The following TAFA2 variants were observed in gnomAD, a reference collection of about 807,000 sequenced individuals.
TAFA2 encodes chemokine-like protein TAFA-2.
In TAFA2, 7 loss-of-function variants were observed where a neutral mutation model predicts 18.8. The observed-to-expected ratio is 0.37, with a 90% CI of 0.21 to 0.70. TAFA2 has a LOEUF of 0.70. Among genes scored for constraint, TAFA2 ranks in the 30% least tolerant of loss-of-function variants. The pLI is 0.53. For missense variants in TAFA2, 122 were observed against 158.1 expected (o/e 0.77, Z 1.23); for synonymous variants, 60 against 54.2 (o/e 1.11, Z -0.47).
intron 2 of TAFA2, among the ~76,000 whole-genome samples, chr12:61,859,376 T>G (rs12813599): frequency 0.29 from 43,748 of 152,024 alleles, 6,877 homozygotes; most frequent in South Asian, 0.4. Flanking sequence ...CCCACCCAAT[T>G]CAAGGTAATG....
intron 4 of TAFA2, among the ~76,000 whole-genome samples, chr12:61,746,094 C>T (rs959856701): frequency 1.3e-5 from 2 of 152,052 alleles, no homozygotes; most frequent in Non-Finnish European, 2.9e-5. Flanking sequence ...ATTGTAATCC[C>T]TATAATCCCC....
At chr12:61,994,637 G>T (rs1880122261) in intron 1 of TAFA2, among the ~76,000 whole-genome samples, 1 of 151,864 alleles carries the variant, frequency 6.6e-6, no homozygotes, top group Non-Finnish European at 1.5e-5. Flanking sequence ...AAATTGTTCT[G>T]GTCAAAGTCA....
rs75110268 is a variant in TAFA2 at position 61,769,996 on chromosome 12, C to G, written c.107-14972G>C. On this transcript the variant is annotated intron_variant, in intron 2 of 4. Coordinates refer to ENST00000416284, the MANE Select transcript of TAFA2 (RefSeq NM_178539.5). Reference sequence around the variant, plus strand: ...ACTTTAAAAAATCAAAAAAATGATACAGGATATGAACGAGAAAATCTCTAA... The same window carrying G: ...ACTTTAAAAAATCAAAAAAATGATAGAGGATATGAACGAGAAAATCTCTAA... Among the ~76,000 whole-genome samples, 622 of 151,994 alleles carry G rather than the reference C, an allele frequency of 4.1e-3. 4 individuals are homozygous for G. The highest frequency in any genetic ancestry group is 0.015 in the African/African-American group (608 of 41,492).
At chr12:61,954,399 A>G (rs1011271796) in intron 1 of TAFA2, among the ~76,000 whole-genome samples, 2 of 152,210 alleles carry the variant, frequency 1.3e-5, no homozygotes, top group Non-Finnish European at 2.9e-5. Context: ...GTAGAACGCT[A>G]TTATGTAGCA....
chr12:61,928,141 G>A (rs950161996), intron 1 of TAFA2, among the ~76,000 whole-genome samples: 5 of 152,050 alleles, frequency 3.3e-5, no homozygotes, highest in Non-Finnish European at 5.9e-5. Context: ...CAATGGCAAC[G>A]AAGCCAAAAT....
At chr12:62,116,604 T>G (rs1396644922) in intron 1 of TAFA2, among the ~76,000 whole-genome samples, 1 of 152,134 alleles carries the variant, frequency 6.6e-6, no homozygotes, top group African/African-American at 2.4e-5. Context: ...AAATGTAAAA[T>G]TTTTCCTCTA....
intron 1 of TAFA2, among the ~76,000 whole-genome samples, chr12:62,202,159 T>A (rs977128867): frequency 2.0e-5 from 3 of 152,114 alleles, no homozygotes; most frequent in Non-Finnish European, 4.4e-5. Flanking sequence ...GCTAACAGTC[T>A]ATTTTATTAA....
intron 2 of TAFA2, among the ~76,000 whole-genome samples, chr12:61,811,103 C>T (rs966857167): frequency 4.0e-5 from 6 of 150,886 alleles, no homozygotes; most frequent in East Asian, 1.9e-4. Context: ...TAAAAATAAG[C>T]GTTCCTTAAA....
At chr12:61,770,599 C>T (rs1869983804) in intron 2 of TAFA2, among the ~76,000 whole-genome samples, 1 of 151,990 alleles carries the variant, frequency 6.6e-6, no homozygotes, top group South Asian at 2.1e-4. Flanking sequence ...CCTTAAACAA[C>T]AAAACTAATC....
rs535129203 is a variant in TAFA2, at chr12:62,180,929, T to C, written c.-2+10330A>G. ...ACAAGAGCAATCAAAATATATTCCATATGTGATTAACAACACTTAAATTTG... is the reference window on the plus strand; with the variant it reads ...ACAAGAGCAATCAAAATATATTCCACATGTGATTAACAACACTTAAATTTG... On this transcript the variant is annotated intron_variant, in intron 1 of 4. Coordinates refer to ENST00000416284, the MANE Select transcript of TAFA2 (RefSeq NM_178539.5). Among the ~76,000 whole-genome samples the C allele has an allele frequency of 4.6e-5, 7 of 152,358 alleles. 1 individual carries two copies. The South Asian group carries it at 1.4e-3, about 32-fold the overall frequency.
At chr12:62,014,816 C>T (rs989127057) in intron 1 of TAFA2, among the ~76,000 whole-genome samples, 3 of 152,018 alleles carry the variant, frequency 2.0e-5, no homozygotes, top group Non-Finnish European at 4.4e-5. Context: ...TTATGACCAA[C>T]CAGATTTGGA....
At chr12:61,995,668 A>G (rs1880161238) in intron 1 of TAFA2, among the ~76,000 whole-genome samples, 1 of 152,168 alleles carries the variant, frequency 6.6e-6, no homozygotes, top group Non-Finnish European at 1.5e-5. Context: ...TTGATTACAT[A>G]GTATGTGATT....
At chr12:62,104,680 A>G in intron 1 of TAFA2, 1 of 455,774 alleles carries the variant, frequency 2.2e-6, no homozygotes, top group Non-Finnish European at 4.4e-6. Context: ...ATAAGCAATA[A>G]CTAGTCCTCA....
intron 4 of TAFA2, among the ~76,000 whole-genome samples, chr12:61,723,171 G>A (rs536090208): frequency 4.8e-4 from 73 of 152,162 alleles, no homozygotes; most frequent in African/African-American, 1.7e-3. Flanking sequence ...TGATTTATCC[G>A]ATCAGCACTT....
intron 1 of TAFA2, among the ~76,000 whole-genome samples, chr12:62,029,660 T>C (rs1278903311): frequency 1.4e-5 from 2 of 147,534 alleles, no homozygotes; most frequent in Non-Finnish European, 1.5e-5. Flanking sequence ...CAAAGGAAAG[T>C]GCAATCACCC....
intron 1 of TAFA2, among the ~76,000 whole-genome samples, chr12:62,207,726 T>C (rs908550359): frequency 1.3e-5 from 2 of 152,070 alleles, no homozygotes; most frequent in African/African-American, 4.8e-5. Context: ...CAATCAAAGA[T>C]CAAAGAAAAA....
chr12:62,194,356 ATCTT>A (rs1206622637), upstream of TAFA2, among the ~76,000 whole-genome samples: 5 of 152,050 alleles, frequency 3.3e-5, no homozygotes, highest in South Asian at 2.1e-4. Flanking sequence ...ATACATTATA[ATCTT>A]TCTACCTTCT....
At position 62,169,164 on chromosome 12, in the gene TAFA2, T is replaced by C. The variant is rs144601593; in HGVS notation, c.-2+22095A>G. On this transcript the variant is annotated intron_variant, in intron 1 of 4. Coordinates refer to ENST00000416284, the MANE Select transcript of TAFA2 (RefSeq NM_178539.5). Reference sequence around the variant, plus strand: ...ATATTTACAAAATAAATGATAGATATCTTGAACCTTCTACAAAATAATGGA... The same window carrying C: ...ATATTTACAAAATAAATGATAGATACCTTGAACCTTCTACAAAATAATGGA... Among the ~76,000 whole-genome samples, 233 of 152,272 alleles carry C rather than the reference T, an allele frequency of 1.5e-3. 1 individual carries two copies. The highest frequency in any genetic ancestry group is 2.3e-3 in the Non-Finnish European group (154 of 68,016).
At chr12:62,147,139 T>C (rs1425912057) in intron 1 of TAFA2, among the ~76,000 whole-genome samples, 1 of 150,986 alleles carries the variant, frequency 6.6e-6, no homozygotes, top group Non-Finnish European at 1.5e-5. Context: ...ACTAGATCCA[T>C]ACCTCTCACT....
Sources: gnomAD v4.1 joint callset for allele counts (sites outside exome capture counted in the v4.1 genomes callset) on GRCh38, gnomAD v4.1.1 for gene constraint, MANE v1.5 for transcripts, NCBI Gene and HGNC (gene_info 2026-07-23, HGNC 2026-07-21) for gene names.